ZNF208: variants seen among roughly 807,000 people sequenced by gnomAD.
The protein encoded by ZNF208 is zinc finger protein 208, also known as zinc finger protein 95.
Under a neutral mutation model 12.1 loss-of-function variants are expected in ZNF208, and 10 were observed. The ratio of observed to expected loss-of-function variants is 0.83; its 90% CI spans 0.51 to 1.40. The LOEUF is 1.40. ZNF208 is among the 40% of genes most tolerant of loss of function. ZNF208 has a pLI of 0.00. For synonymous variants in ZNF208, 497 were observed against 488.4 expected (o/e 1.02, Z -0.23); for missense variants, 1,652 against 1,485.0 (o/e 1.11, Z -1.85).
chr19:21,994,570 A>G (rs558451724), intron 1 of ZNF208, among the ~76,000 whole-genome samples: 1 of 152,230 alleles, frequency 6.6e-6, no homozygotes, highest in Admixed American at 6.5e-5. Flanking sequence ...AAGCTTACTT[A>G]AGTAAACTTA....
In ZNF208 at chr19:21,974,013, A is replaced by G. The variant is rs1970372430; in HGVS notation, c.1021T>C (p.Tyr341His). The change falls in exon 4 of 4, where the codon TAC becomes CAC. Residue 341 changes from tyrosine (Y) to histidine (H), a missense_variant. By Grantham distance (83) the Tyr-to-His change is moderately conservative. Around this residue, in one of 3 missense-constraint regions of ZNF208, gnomAD observed 3 missense variants for 20.6 expected, o/e 0.15. Coordinates refer to ENST00000397126, the MANE Select transcript of ZNF208 (RefSeq NM_007153.3). ...HKAIHAGEKP[Y>H]KCKECGKAFS... ...GCTTTGCCACATTCTTTACATTTGT[A>G]GGGCTTCTCTCCAGCATGAATTGCC... 1 of 1,383,840 alleles carries G rather than the reference A, an allele frequency of 7.2e-7. No individual in the cohort carries two copies. Among genetic ancestry groups the G allele is most frequent in the African/African-American group, 1.5e-5 (1 of 68,296 alleles). The allele number at this position is 1,383,840 out of a possible 1,614,324, so 85.7% of individuals were successfully genotyped here. A position where few individuals can be genotyped will look rare whatever the true frequency, so the allele number is the denominator to read the frequency against.
At chr19:21,940,462 G>C (rs1969717295) in intron 4 of ZNF208, 1 of 152,110 alleles carries the variant, frequency 6.6e-6, no homozygotes, top group South Asian at 2.1e-4. Flanking sequence ...ATTGCCACGT[G>C]AGAATGAAAA....
Position 21,967,144 on chromosome 19 carries a change from T to G in ZNF208, c.*4047A>C, listed in dbSNP as rs1970186251. Reference sequence around the variant, plus strand: ...GTCATAAATTCTTTACAGAGGCCAGTATTATCTAAGTGTTATTCTAAGATT... The same window carrying G: ...GTCATAAATTCTTTACAGAGGCCAGGATTATCTAAGTGTTATTCTAAGATT... On this transcript the variant is annotated 3_prime_UTR_variant, in exon 4 of 4. Coordinates refer to ENST00000397126, the MANE Select transcript of ZNF208 (RefSeq NM_007153.3). 1 of 152,114 alleles carries G rather than the reference T, an allele frequency of 6.6e-6. No homozygotes were observed. The highest frequency in any genetic ancestry group is 6.6e-5 in the Admixed American group (1 of 15,260). 9.4% of individuals were successfully genotyped at this position (152,114 alleles called of 1,614,324 possible).
Position 21,997,213 on chromosome 19 carries a change from G to A in ZNF208, c.4-8304C>T, listed in dbSNP as rs73930364. 7.1e-3 allele frequency among the ~76,000 whole-genome samples: 1,074 copies of A among 152,292 alleles called. 13 individuals carry two copies. The highest frequency in any genetic ancestry group is 0.024 in the African/African-American group (993 of 41,558). Reference sequence around the variant, plus strand: ...GAGATTGCAAAGACAGAAAGACAGTGACCATAATTTGTCTACAAGTAGAAT... The same window carrying A: ...GAGATTGCAAAGACAGAAAGACAGTAACCATAATTTGTCTACAAGTAGAAT... On this transcript the variant is annotated intron_variant, in intron 1 of 3. Coordinates refer to ENST00000397126, the MANE Select transcript of ZNF208 (RefSeq NM_007153.3).
At chr19:21,985,560 A>G (rs1045234291) in intron 3 of ZNF208, among the ~76,000 whole-genome samples, 1 of 152,198 alleles carries the variant, frequency 6.6e-6, no homozygotes, top group African/African-American at 2.4e-5. Context: ...TACAGACCAG[A>G]AAATGTCCCA....
intron 1 of ZNF208, chr19:22,009,623 T>C (rs62112872): frequency 0.16 from 24,456 of 151,742 alleles, 2,144 homozygotes; most frequent in Middle Eastern, 0.2. Context: ...GGTGCATGCC[T>C]GGAATCCCAG....
intron 1 of ZNF208, among the ~76,000 whole-genome samples, chr19:21,989,468 A>C (rs1599626068): frequency 6.6e-6 from 1 of 151,700 alleles, no homozygotes; most frequent in African/African-American, 2.4e-5. Flanking sequence ...ACATTTTCTT[A>C]ATCCAGTCTG....
chr19:21,965,512 C>T (rs1030064308), downstream of ZNF208, among the ~76,000 whole-genome samples: 2 of 151,986 alleles, frequency 1.3e-5, no homozygotes, highest in African/African-American at 4.8e-5. Context: ...CAACTACAGA[C>T]TTTCATATGG....
At chr19:21,996,409 A>T (rs1970836452) in intron 1 of ZNF208, among the ~76,000 whole-genome samples, 1 of 152,314 alleles carries the variant, frequency 6.6e-6, no homozygotes, top group South Asian at 2.1e-4. Context: ...GTGTAGAATT[A>T]TTAGTTTAAT....
At chr19:21,999,745 C>A (rs1314676773) in intron 1 of ZNF208, among the ~76,000 whole-genome samples, 2 of 151,504 alleles carry the variant, frequency 1.3e-5, no homozygotes, top group Non-Finnish European at 2.9e-5. Context: ...AATTCTGAGT[C>A]AAAAAGAATG....
chr19:21,982,041 TAA>T (rs766523238), intron 3 of ZNF208, among the ~76,000 whole-genome samples: 4 of 151,534 alleles, frequency 2.6e-5, no homozygotes, highest in Non-Finnish European at 4.4e-5. Context: ...CTCAAGAAAA[TAA>T]GAGAGGACAC....
chr19:21,951,480 A>C (rs1225982555), intron 4 of ZNF208, among the ~76,000 whole-genome samples: 1 of 152,194 alleles, frequency 6.6e-6, no homozygotes, highest in Non-Finnish European at 1.5e-5. Context: ...GTTTTAAGCA[A>C]ATTTTTGAAA....
intron 1 of ZNF208, among the ~76,000 whole-genome samples, chr19:22,007,477 A>C (rs1383350604): frequency 7.5e-6 from 1 of 133,654 alleles, no homozygotes; most frequent in South Asian, 2.5e-4. Flanking sequence ...CTGCACTCCA[A>C]CCTGGGGACA....
At chr19:21,987,432 A>C in intron 2 of ZNF208, 121 bp from the exon 3 acceptor site, 1 of 1,080,250 alleles carries the variant, frequency 9.3e-7, no homozygotes, top group Non-Finnish European at 1.2e-6. Context: ...AAAATACTAA[A>C]TTATAATAAG....
chr19:21,982,703 A>G (rs910433326), intron 3 of ZNF208, among the ~76,000 whole-genome samples: 9 of 152,186 alleles, frequency 5.9e-5, no homozygotes, highest in East Asian at 1.9e-4. Flanking sequence ...CCTCAGAAAT[A>G]ACACCACACA....
chr19:21,960,415 G>T (rs971899891), intron 4 of ZNF208, among the ~76,000 whole-genome samples: 1 of 152,012 alleles, frequency 6.6e-6, no homozygotes, highest in African/African-American at 2.4e-5. Flanking sequence ...AAAAAAAGTG[G>T]ATTACTCACA....
chr19:21,971,685 C>G lies in ZNF208; in HGVS notation c.3349G>C (p.Glu1117Gln), dbSNP rs1472212753. 6.2e-7 allele frequency: 1 copy of G among 1,613,848 alleles called. No homozygotes were observed. The highest frequency in any genetic ancestry group is 2.2e-5 in the East Asian group (1 of 44,840). Residue 1117 changes from glutamate to glutamine, a missense_variant, in exon 4 of 4, where the codon GAA becomes CAA. Around this residue, in one of 3 missense-constraint regions of ZNF208, gnomAD observed 1,239 missense variants for 1,086.2 expected, o/e 1.14. Coordinates refer to ENST00000397126, the MANE Select transcript of ZNF208 (RefSeq NM_007153.3). ...AACGTACTAAAGCTTTTGCCACATT[C>G]TTCACATTTGTAGGGTTTCTCTCCA... is the stretch of plus-strand genomic sequence containing the variant. ...HTGEKPYKCE[E>Q]CGKSFSTFSI... is the part of the protein sequence containing the mutation.
At chr19:21,942,294 A>C (rs1969752970) in intron 4 of ZNF208, among the ~76,000 whole-genome samples, 1 of 152,198 alleles carries the variant, frequency 6.6e-6, no homozygotes. Flanking sequence ...GTATATATAT[A>C]AGATCAAAGA....
intron 1 of ZNF208, 34 bp from the exon 2 acceptor site, chr19:21,988,943 G>C: frequency 1.2e-6 from 2 of 1,606,814 alleles, no homozygotes; most frequent in Non-Finnish European, 1.7e-6. Flanking sequence ...TTATCAACTG[G>C]ACATGGGCAG....
Sources: allele counts gnomAD v4.1 joint callset (sites outside exome capture counted in the v4.1 genomes callset), GRCh38; gene constraint gnomAD v4.1.1; regional missense constraint gnomAD v4.1.1; transcripts MANE v1.5; gene names NCBI Gene and HGNC (gene_info 2026-07-23, HGNC 2026-07-21).